The following GPC5 variants were observed in gnomAD, a reference collection of about 807,000 sequenced individuals.
GPC5 encodes glypican-5.
In GPC5, 47 loss-of-function variants were observed where a neutral mutation model predicts 53.9. The ratio of observed to expected loss-of-function variants is 0.87; its 90% CI spans 0.69 to 1.11. The LOEUF (loss-of-function observed/expected upper bound fraction) is 1.11. Among genes scored for constraint, GPC5 ranks in the 50% most tolerant of loss-of-function variants. The probability of loss-of-function intolerance (pLI) is 0.00; values close to 1 mark genes in which losing one functional copy is unlikely to be tolerated. For synonymous variants in GPC5, 286 were observed against 263.3 expected (o/e 1.09, Z -0.84); for missense variants, 748 against 713.1 (o/e 1.05, Z -0.56).
chr13:92,399,175 A>G (rs1027513537), intron 7 of GPC5, among the ~76,000 whole-genome samples: 15 of 152,194 alleles, frequency 9.9e-5, no homozygotes, highest in African/African-American at 3.6e-4. Flanking sequence ...TTCACACGCT[A>G]TCTATGTGTG....
At chr13:91,558,037 A>AG (rs1374343861) in intron 2 of GPC5, among the ~76,000 whole-genome samples, 2 of 152,132 alleles carry the variant, frequency 1.3e-5, no homozygotes, top group Non-Finnish European at 2.9e-5. Flanking sequence ...GATAAAAGTC[A>AG]GGGGGAGCAT....
At chr13:91,827,265 T>C (rs893723648) in intron 5 of GPC5, among the ~76,000 whole-genome samples, 1 of 151,872 alleles carries the variant, frequency 6.6e-6, no homozygotes, top group African/African-American at 2.4e-5. Context: ...TTTAAAAGAA[T>C]ACAAAAATAT....
At chr13:92,594,471 T>A (rs1276983988) in intron 7 of GPC5, among the ~76,000 whole-genome samples, 1 of 152,166 alleles carries the variant, frequency 6.6e-6, no homozygotes, top group Non-Finnish European at 1.5e-5. Context: ...TTTCTCAGCT[T>A]TACCTACATA....
intron 2 of GPC5, among the ~76,000 whole-genome samples, chr13:91,464,005 T>C (rs983862931): frequency 6.6e-6 from 1 of 152,092 alleles, no homozygotes; most frequent in African/African-American, 2.4e-5. Context: ...GATGAAGTAC[T>C]TGTATCTAGA....
intron 2 of GPC5, among the ~76,000 whole-genome samples, chr13:91,609,826 A>G (rs1400006004): frequency 6.6e-6 from 1 of 152,122 alleles, no homozygotes; most frequent in Non-Finnish European, 1.5e-5. Context: ...TATGGAAAAA[A>G]CCCAGGCTGT....
intron 7 of GPC5, among the ~76,000 whole-genome samples, chr13:92,455,629 G>A (rs1400977957): frequency 6.6e-6 from 1 of 152,116 alleles, no homozygotes; most frequent in Admixed American, 6.5e-5. Flanking sequence ...TTGGTTAAAT[G>A]CTATTATGAC....
At chr13:92,545,034 G>A (rs1480977209) in intron 7 of GPC5, among the ~76,000 whole-genome samples, 1 of 151,704 alleles carries the variant, frequency 6.6e-6, no homozygotes, top group African/African-American at 2.4e-5. Flanking sequence ...TCGTCATTTA[G>A]CATTAGGTAT....
intron 5 of GPC5, among the ~76,000 whole-genome samples, chr13:91,774,585 C>T (rs2037679156): frequency 6.6e-6 from 1 of 152,110 alleles, no homozygotes; most frequent in Admixed American, 6.6e-5. Context: ...CATCTCCACT[C>T]TCCCCTTGAC....
intron 6 of GPC5, among the ~76,000 whole-genome samples, chr13:91,985,563 AT>A (rs1402611412): frequency 2.0e-5 from 3 of 151,372 alleles, no homozygotes; most frequent in African/African-American, 7.3e-5. Flanking sequence ...TTTATAATTG[AT>A]TTTGTTCTTT....
intron 7 of GPC5, among the ~76,000 whole-genome samples, chr13:92,656,932 C>T (rs9589612): frequency 0.27 from 41,690 of 152,084 alleles, 6,008 homozygotes; most frequent in South Asian, 0.39. Flanking sequence ...GCTCTCACAC[C>T]GCACTCCAGC....
Position 92,587,624 on chromosome 13 carries a change from C to T in GPC5, c.1562-278658C>T, listed in dbSNP as rs1208044345. 2.0e-5 allele frequency among the ~76,000 whole-genome samples: 3 copies of T among 152,126 alleles called. No individual in the cohort carries two copies. The South Asian group carries it at 6.2e-4, about 32-fold the overall frequency. ...CTATGTAAGGAAAAGAGCATATCGT[C>T]TAGTCTCAATAAAAATTTAATGTTT... On this transcript the variant is annotated intron_variant, in intron 7 of 7. Coordinates refer to ENST00000377067, the MANE Select transcript of GPC5 (RefSeq NM_004466.6).
chr13:91,993,378 A>C (rs2138739016), intron 6 of GPC5, among the ~76,000 whole-genome samples: 1 of 152,202 alleles, frequency 6.6e-6, no homozygotes, highest in Middle Eastern at 3.4e-3. Flanking sequence ...TCCTCCAGAA[A>C]TCAACCCTGA....
At chr13:92,857,146 A>G (rs1879027112) in intron 7 of GPC5, among the ~76,000 whole-genome samples, 1 of 152,106 alleles carries the variant, frequency 6.6e-6, no homozygotes, top group Non-Finnish European at 1.5e-5. Flanking sequence ...CAGAATAGAT[A>G]ATGCAGAAAT....
At chr13:92,524,974 G>C (rs532385121) in intron 7 of GPC5, among the ~76,000 whole-genome samples, 7 of 152,178 alleles carry the variant, frequency 4.6e-5, no homozygotes, top group Non-Finnish European at 8.8e-5. Context: ...GTTTCTAAGT[G>C]TATTGAAAAA....
At chr13:91,746,847 G>A (rs936912993) in intron 4 of GPC5, among the ~76,000 whole-genome samples, 1 of 152,084 alleles carries the variant, frequency 6.6e-6, no homozygotes, top group Admixed American at 6.6e-5. Flanking sequence ...TAACCTGAAA[G>A]GGCTTCATCA....
intron 2 of GPC5, among the ~76,000 whole-genome samples, chr13:91,547,607 G>T (rs1458449955): frequency 6.6e-6 from 1 of 152,000 alleles, no homozygotes; most frequent in Non-Finnish European, 1.5e-5. Flanking sequence ...TCTTTCAGAG[G>T]ATAGAACAAG....
chr13:92,460,807 A>G (rs1386324694), intron 7 of GPC5, among the ~76,000 whole-genome samples: 1 of 128,940 alleles, frequency 7.8e-6, no homozygotes, highest in East Asian at 2.5e-4. Context: ...TGAAAGTAAC[A>G]TAAAAAGTGT....
intron 2 of GPC5, among the ~76,000 whole-genome samples, chr13:91,450,350 G>T (rs970200608): frequency 1.8e-4 from 27 of 152,156 alleles, no homozygotes; most frequent in African/African-American, 6.0e-4. Flanking sequence ...CAATGAAAAG[G>T]ATAGTAGGTA....
intron 5 of GPC5, among the ~76,000 whole-genome samples, chr13:91,810,030 G>A (rs1211193524): frequency 6.6e-6 from 1 of 151,856 alleles, no homozygotes; most frequent in African/African-American, 2.4e-5. Flanking sequence ...GTATAAAATT[G>A]TCTTAAGTGG....
Sources: gnomAD v4.1 joint callset for allele counts (sites outside exome capture counted in the v4.1 genomes callset) on GRCh38, gnomAD v4.1.1 for gene constraint, MANE v1.5 for transcripts, NCBI Gene and HGNC (gene_info 2026-07-23, HGNC 2026-07-21) for gene names.